CTNNA3: variants seen among roughly 807,000 people sequenced by gnomAD.
CTNNA3 encodes catenin alpha 3.
CTNNA3 carries 76 observed loss-of-function variants against 95.7 expected under a neutral mutation model. The observed-to-expected ratio is 0.79, with a 90% CI of 0.66 to 0.96. The LOEUF (loss-of-function observed/expected upper bound fraction) is 0.96. CTNNA3 is among the 40% of genes least tolerant of loss of function. The pLI is 0.00. For synonymous variants in CTNNA3, 431 were observed against 374.4 expected, an observed-to-expected ratio of 1.15 and a Z score of -1.74; for missense variants, 1,191 against 1,089.8, an observed-to-expected ratio of 1.09 and a Z score of -1.31.
chr10:67,024,127 G>A (rs958613433), intron 7 of CTNNA3, among the ~76,000 whole-genome samples: 3 of 152,202 alleles, frequency 2.0e-5, no homozygotes, highest in Non-Finnish European at 4.4e-5. Context: ...CCCTCCAGAG[G>A]TCTAGGGGAA....
At chr10:67,291,905 T>C (rs1269448555) in intron 5 of CTNNA3, among the ~76,000 whole-genome samples, 1 of 152,210 alleles carries the variant, frequency 6.6e-6, no homozygotes, top group East Asian at 1.9e-4. Context: ...AATGTGTACA[T>C]GAGAGCCTTC....
At chr10:66,380,319 A>G (rs2092827546) in intron 11 of CTNNA3, among the ~76,000 whole-genome samples, 1 of 152,082 alleles carries the variant, frequency 6.6e-6, no homozygotes, top group Non-Finnish European at 1.5e-5. Flanking sequence ...CGTCCAAAAA[A>G]TAAAATCAGT....
intron 7 of CTNNA3, among the ~76,000 whole-genome samples, chr10:67,009,535 G>A (rs906235471): frequency 6.6e-6 from 1 of 151,300 alleles, no homozygotes; most frequent in African/African-American, 2.4e-5. Context: ...TTGTTTGTTT[G>A]TTTGTTTGCT....
At chr10:67,745,515 G>C (rs891725216) in intron 1 of CTNNA3, among the ~76,000 whole-genome samples, 28 of 146,294 alleles carry the variant, frequency 1.9e-4, no homozygotes, top group African/African-American at 6.3e-4. Context: ...GTTGTGGGGT[G>C]GGGGGGAGGG....
chr10:66,068,129 T>C (rs898417946), intron 15 of CTNNA3, among the ~76,000 whole-genome samples: 8 of 152,152 alleles, frequency 5.3e-5, no homozygotes, highest in African/African-American at 1.7e-4. Flanking sequence ...GCAAATTTGA[T>C]AGATTTAAAA....
intron 13 of CTNNA3, among the ~76,000 whole-genome samples, chr10:66,136,457 T>C (rs1013184223): frequency 6.6e-6 from 1 of 151,944 alleles, no homozygotes; most frequent in Non-Finnish European, 1.5e-5. Flanking sequence ...TTTTACTAAA[T>C]TGGATAATAG....
chr10:65,935,688 A>G lies in CTNNA3; in HGVS notation c.2401-15071T>C, dbSNP rs545593651. 5.3e-5 allele frequency among the ~76,000 whole-genome samples: 8 copies of G among 152,198 alleles called. No individual in the cohort carries two copies. The East Asian group carries it at 1.5e-3, about 29-fold the overall frequency. On this transcript the variant is annotated intron_variant, in intron 17 of 17. Transcript: ENST00000433211. ...GGTTGTGTATCTTAGGGTCACGGAG[A>G]ACATTCATTTTCTAAGTGTGTGTGT...
chr10:66,798,318 G>A (rs1326946275), intron 7 of CTNNA3, among the ~76,000 whole-genome samples: 2 of 151,648 alleles, frequency 1.3e-5, no homozygotes, highest in Non-Finnish European at 2.9e-5. Context: ...AATATATTTA[G>A]AACTATTAAC....
chr10:67,654,388 T>G (rs754365571), intron 1 of CTNNA3, among the ~76,000 whole-genome samples: 5 of 152,110 alleles, frequency 3.3e-5, no homozygotes, highest in Non-Finnish European at 7.4e-5. Flanking sequence ...TTTCTAGCAC[T>G]CCATATCACC....
At chr10:66,446,189 A>G (rs1466528506) in intron 11 of CTNNA3, among the ~76,000 whole-genome samples, 1 of 152,212 alleles carries the variant, frequency 6.6e-6, no homozygotes, top group Non-Finnish European at 1.5e-5. Flanking sequence ...TCAATAGCTT[A>G]CAAACCAAAA....
intron 7 of CTNNA3, among the ~76,000 whole-genome samples, chr10:67,161,099 A>G (rs560779398): frequency 6.6e-6 from 1 of 152,216 alleles, no homozygotes; most frequent in South Asian, 2.1e-4. Flanking sequence ...AGTTATAGAG[A>G]TATGTTGTCC....
chr10:65,920,193 T>C lies in CTNNA3; in HGVS notation c.*137A>G. 1.4e-6 allele frequency: 1 copy of C among 721,184 alleles called. No homozygotes were observed. Among genetic ancestry groups the C allele is most frequent in the Non-Finnish European group, 2.3e-6 (1 of 433,160 alleles). The allele number at this position is 721,184 out of a possible 1,614,324, so 44.7% of individuals were successfully genotyped here. ...CCAAATATATATTGCTTTTGTTGATTTAGCGCCCAATATTTTATGTTATTT... is the reference window on the plus strand; with the variant it reads ...CCAAATATATATTGCTTTTGTTGATCTAGCGCCCAATATTTTATGTTATTT... On this transcript the variant is annotated 3_prime_UTR_variant, in exon 18 of 18. Transcript: ENST00000433211.
chr10:67,284,127 G>A (rs912405338), intron 5 of CTNNA3, among the ~76,000 whole-genome samples: 1 of 152,148 alleles, frequency 6.6e-6, no homozygotes, highest in African/African-American at 2.4e-5. Context: ...TGGAAATAGG[G>A]TAAATTAAAA....
rs1008012146 is a variant in CTNNA3, at chr10:66,934,692, T to C, written c.1048-159168A>G. On this transcript the variant is annotated intron_variant, in intron 7 of 17. Coordinates refer to ENST00000433211, the MANE Select transcript of CTNNA3 (RefSeq NM_013266.4). Reference sequence around the variant, plus strand: ...CTTTATGTATAGGGGTACTCAACTATATTTCACCAATCAGAAACACTCTTT... The same window carrying C: ...CTTTATGTATAGGGGTACTCAACTACATTTCACCAATCAGAAACACTCTTT... Among the ~76,000 whole-genome samples, 13 of 152,036 alleles carry C rather than the reference T, an allele frequency of 8.6e-5. No homozygotes were observed. In the East Asian group the frequency reaches 2.3e-3, roughly 27 times the overall value.
At chr10:66,073,668 A>G (rs191982338) in intron 14 of CTNNA3, among the ~76,000 whole-genome samples, 6 of 152,098 alleles carry the variant, frequency 3.9e-5, no homozygotes, top group African/African-American at 9.6e-5. Context: ...ATATATTAAT[A>G]TTACCATTCC....
chr10:66,320,942 A>T (rs1487480801), intron 12 of CTNNA3, among the ~76,000 whole-genome samples: 1 of 152,096 alleles, frequency 6.6e-6, no homozygotes, highest in South Asian at 2.1e-4. Context: ...TTTAAAAATC[A>T]TGTTTACATT....
chr10:66,742,386 C>T (rs533271296), intron 9 of CTNNA3, among the ~76,000 whole-genome samples: 111 of 152,158 alleles, frequency 7.3e-4, no homozygotes, highest in South Asian at 1.5e-3. Context: ...AATGCATGCC[C>T]GAAACTTCAT....
In CTNNA3 at chr10:65,937,012, A is replaced by G. The variant is rs1463213055; in HGVS notation, c.2401-16395T>C. ...TATTATATAAATATAAACATTTGTT[A>G]TAGTCTGCCACATAGTATGCACTAT... is the stretch of plus-strand genomic sequence containing the variant. On this transcript the variant is annotated intron_variant, in intron 17 of 17. Transcript: ENST00000433211. Among the ~76,000 whole-genome samples, 8 of 151,906 alleles carry G rather than the reference A, an allele frequency of 5.3e-5. No homozygotes were observed. The East Asian group carries it at 1.2e-3, about 22-fold the overall frequency.
intron 11 of CTNNA3, among the ~76,000 whole-genome samples, chr10:66,418,112 TAAAA>T (rs201086969): frequency 8.9e-5 from 12 of 135,138 alleles, no homozygotes; most frequent in South Asian, 6.9e-4. Flanking sequence ...TTGAAAACAT[TAAAA>T]AAAAAAAAAA....
Sources: allele counts gnomAD v4.1 joint callset (sites outside exome capture counted in the v4.1 genomes callset), GRCh38; gene constraint gnomAD v4.1.1; transcripts MANE v1.5; gene names NCBI Gene and HGNC (gene_info 2026-07-23, HGNC 2026-07-21).